FER: variants seen among roughly 807,000 people sequenced by gnomAD.
FER encodes tyrosine-protein kinase Fer.
In FER, 63 loss-of-function variants were observed where a neutral mutation model predicts 111.0. That is an observed-to-expected ratio of 0.57 (90% CI 0.46 to 0.70). FER has a LOEUF of 0.70. Among genes scored for constraint, FER ranks in the 30% least tolerant of loss-of-function variants. FER has a pLI of 0.00. For missense variants in FER, 914 were observed against 954.0 expected, an observed-to-expected ratio of 0.96 and a Z score of 0.55; for synonymous variants, 327 against 313.9, an observed-to-expected ratio of 1.04 and a Z score of -0.44.
At chr5:108,836,079 C>T (rs1226440065) in intron 5 of FER, among the ~76,000 whole-genome samples, 1 of 151,984 alleles carries the variant, frequency 6.6e-6, no homozygotes, top group Non-Finnish European at 1.5e-5. Context: ...AATTTTCTCT[C>T]TTGCATCATA....
chr5:109,151,972 C>T (rs1754902128), intron 17 of FER, among the ~76,000 whole-genome samples: 1 of 152,078 alleles, frequency 6.6e-6, no homozygotes, highest in South Asian at 2.1e-4. Flanking sequence ...CAAGAATTTT[C>T]AGTTTGTACA....
Position 109,188,714 on chromosome 5 carries a change from C to T in FER, c.*1139C>T, listed in dbSNP as rs116633195. 6 of 152,108 alleles carry T rather than the reference C, an allele frequency of 3.9e-5. No individual in the cohort carries two copies. Among genetic ancestry groups the T allele is most frequent in the Admixed American group, 1.3e-4 (2 of 15,264 alleles). 9.4% of individuals were successfully genotyped at this position (152,108 alleles called of 1,614,324 possible). A position where few individuals can be genotyped will look rare whatever the true frequency, so the allele number is the denominator to read the frequency against. The stretch of plus-strand genomic sequence containing the variant: ...GGTCCTAAGAAAAGTTTCAGGAGTT[C>T]GTAGAGTCCTCGTAATGGCAACAAA... On this transcript the variant is annotated 3_prime_UTR_variant, in exon 20 of 20. Transcript: ENST00000281092.
chr5:109,109,635 C>G (rs1381506871), intron 17 of FER, among the ~76,000 whole-genome samples: 1 of 152,124 alleles, frequency 6.6e-6, no homozygotes, highest in Non-Finnish European at 1.5e-5. Context: ...TTTCCACTCC[C>G]CACAGCATCT....
At chr5:109,089,632 A>G (rs1561880686) in intron 16 of FER, among the ~76,000 whole-genome samples, 1 of 152,198 alleles carries the variant, frequency 6.6e-6, no homozygotes, top group Non-Finnish European at 1.5e-5. Context: ...AAGAAGTTGC[A>G]GTACACTGGG....
chr5:109,138,498 CT>C (rs762639247), intron 17 of FER, among the ~76,000 whole-genome samples: 24 of 152,108 alleles, frequency 1.6e-4, no homozygotes, highest in Non-Finnish European at 2.9e-4. Context: ...TATATTCACC[CT>C]TGTCAATTAA....
At chr5:108,945,055 T>C (rs1336154488) in intron 10 of FER, among the ~76,000 whole-genome samples, 2 of 152,180 alleles carry the variant, frequency 1.3e-5, no homozygotes, top group East Asian at 3.9e-4. Flanking sequence ...GGAGAAAGCA[T>C]GTGGCCAAGA....
At chr5:109,061,941 AG>A (rs1236183283) in intron 16 of FER, among the ~76,000 whole-genome samples, 6 of 152,196 alleles carry the variant, frequency 3.9e-5, no homozygotes, top group Non-Finnish European at 7.4e-5. Flanking sequence ...GAAGATTATA[AG>A]CATTTGAGAA....
At chr5:108,806,606 G>A (rs982609256) in intron 3 of FER, among the ~76,000 whole-genome samples, 9 of 152,354 alleles carry the variant, frequency 5.9e-5, no homozygotes, top group African/African-American at 1.9e-4. Flanking sequence ...TCTTGCATCT[G>A]CGTGACCTGG....
rs567937835 is a variant in FER at position 108,974,787 on chromosome 5, A to G, written c.1656+15440A>G. 3.3e-5 allele frequency among the ~76,000 whole-genome samples: 5 copies of G among 152,374 alleles called. No homozygotes were observed. In the South Asian group the frequency reaches 1.0e-3, roughly 32 times the overall value. On this transcript the variant is annotated intron_variant, in intron 13 of 19. Transcript: ENST00000281092. ...TAGTTACATGGCCAAGGTCCAAGGAATGATGACAGCCTCTAGAAACTGGAA... is the reference window on the plus strand; with the variant it reads ...TAGTTACATGGCCAAGGTCCAAGGAGTGATGACAGCCTCTAGAAACTGGAA...
chr5:108,908,588 CTG>C (rs1331483188), intron 10 of FER, among the ~76,000 whole-genome samples: 3 of 152,110 alleles, frequency 2.0e-5, no homozygotes, highest in Non-Finnish European at 4.4e-5. Flanking sequence ...CTCTATTAAA[CTG>C]TGTAGTATTT....
chr5:108,947,247 C>A (rs189169468), intron 11 of FER, among the ~76,000 whole-genome samples: 58 of 152,042 alleles, frequency 3.8e-4, no homozygotes, highest in South Asian at 6.2e-4. Context: ...TAATAATTCT[C>A]TATTTAAGCT....
At chr5:109,170,380 A>G (rs559470828) in intron 17 of FER, among the ~76,000 whole-genome samples, 14 of 152,314 alleles carry the variant, frequency 9.2e-5, no homozygotes, top group African/African-American at 3.4e-4. Flanking sequence ...TTATCAAGAT[A>G]AAATGAATAG....
chr5:109,150,188 T>G (rs775139439), intron 17 of FER, among the ~76,000 whole-genome samples: 8 of 152,146 alleles, frequency 5.3e-5, no homozygotes, highest in Non-Finnish European at 1.2e-4. Flanking sequence ...ATCAGTTGGC[T>G]CTCATTTTCT....
chr5:109,036,242 A>G (rs1289492831), intron 13 of FER, among the ~76,000 whole-genome samples: 1 of 152,034 alleles, frequency 6.6e-6, no homozygotes, highest in African/African-American at 2.4e-5. Flanking sequence ...TCATGACGTT[A>G]TCCTCCTAAG....
At chr5:108,844,057 A>AACGTGTGTGAAC (rs1761569028) in intron 5 of FER, among the ~76,000 whole-genome samples, 1 of 100,222 alleles carries the variant, frequency 1.0e-5, no homozygotes, top group Non-Finnish European at 2.2e-5. Flanking sequence ...TATGTGTGTG[A>AACGTGTGTGAAC]ACATATATAT....
chr5:108,873,828 C>T (rs940571325), intron 8 of FER, among the ~76,000 whole-genome samples: 3 of 152,112 alleles, frequency 2.0e-5, no homozygotes, highest in Non-Finnish European at 4.4e-5. Flanking sequence ...AGGACAGCCT[C>T]CCAAACAAAG....
At chr5:108,750,778 A>G (rs1310965420) in intron 1 of FER, among the ~76,000 whole-genome samples, 5 of 152,370 alleles carry the variant, frequency 3.3e-5, no homozygotes, top group South Asian at 2.1e-4. Context: ...GAAAAATTTC[A>G]AACAATGCAG....
chr5:108,924,791 T>C (rs1365058493), intron 10 of FER: 1 of 1,231,810 alleles, frequency 8.1e-7, no homozygotes, highest in East Asian at 3.2e-5. Flanking sequence ...AGAGATCAGG[T>C]AAGGAGAAGT....
intron 17 of FER, among the ~76,000 whole-genome samples, chr5:109,167,653 T>G (rs1461777813): frequency 2.0e-5 from 3 of 152,218 alleles, no homozygotes; most frequent in Non-Finnish European, 4.4e-5. Flanking sequence ...TTAAACCTTA[T>G]GTCAGAATTC....
Sources: gnomAD v4.1 joint callset for allele counts (sites outside exome capture counted in the v4.1 genomes callset) on GRCh38, gnomAD v4.1.1 for gene constraint, MANE v1.5 for transcripts, NCBI Gene and HGNC (gene_info 2026-07-23, HGNC 2026-07-21) for gene names.